Variants in EMC7 observed in about 807,000 individuals in gnomAD.
EMC7 encodes ER membrane protein complex subunit 7, also known as endoplasmic reticulum membrane protein complex subunit 7.
Under a neutral mutation model 24.4 loss-of-function variants are expected in EMC7, and 4 were observed. That is an observed-to-expected ratio of 0.16 (90% confidence interval 0.08 to 0.38). The LOEUF is 0.38. EMC7 is among the 10% of genes least tolerant of loss of function. EMC7 has a pLI of 1.00. For synonymous variants in EMC7, 106 were observed against 112.0 expected (o/e 0.95, Z 0.34); for missense variants, 221 against 300.6 (o/e 0.74, Z 1.96).
intron 2 of EMC7, among the ~76,000 whole-genome samples, chr15:34,092,861 C>T (rs1170859772): frequency 6.6e-6 from 1 of 151,902 alleles, no homozygotes; most frequent in Non-Finnish European, 1.5e-5. Flanking sequence ...TCCAATAAGC[C>T]CATTATAGAT....
At chr15:34,093,345 G>C (rs1901007756) in intron 2 of EMC7, among the ~76,000 whole-genome samples, 1 of 151,978 alleles carries the variant, frequency 6.6e-6, no homozygotes, top group South Asian at 2.1e-4. Flanking sequence ...GCTGAGGCAG[G>C]GGAATCGCTT....
chr15:34,097,647 T>G (rs928098887), intron 1 of EMC7, among the ~76,000 whole-genome samples: 1 of 152,140 alleles, frequency 6.6e-6, no homozygotes, highest in African/African-American at 2.4e-5. Context: ...TATCAGAGAA[T>G]TCCCGATATC....
At chr15:34,086,617 C>A (rs562261543) in intron 4 of EMC7, among the ~76,000 whole-genome samples, 1 of 151,886 alleles carries the variant, frequency 6.6e-6, no homozygotes, top group Non-Finnish European at 1.5e-5. Context: ...TTAGTAGAGA[C>A]GGGGTTTCAC....
chr15:34,097,039 C>CTTTTATTTTTT (rs1555523494), intron 1 of EMC7, among the ~76,000 whole-genome samples: 2 of 97,622 alleles, frequency 2.0e-5, no homozygotes, highest in Non-Finnish European at 3.8e-5. Context: ...TGTTCTTCTT[C>CTTTTATTTTTT]TTTTTTTTTT....
chr15:34,086,512 T>C (rs1342112139), intron 4 of EMC7, among the ~76,000 whole-genome samples: 2 of 152,146 alleles, frequency 1.3e-5, no homozygotes, highest in African/African-American at 4.8e-5. Context: ...CACTGCAACC[T>C]CTGCCTCCCA....
chr15:34,099,966 A>T (rs556965413), intron 1 of EMC7, among the ~76,000 whole-genome samples: 1 of 152,352 alleles, frequency 6.6e-6, no homozygotes, highest in Non-Finnish European at 1.5e-5. Flanking sequence ...CTGTTCAAAA[A>T]TATTAAGTGA....
intron 1 of EMC7, 33 bp from the exon 2 acceptor site, chr15:34,096,047 T>G: frequency 6.7e-7 from 1 of 1,490,574 alleles, no homozygotes; most frequent in Non-Finnish European, 9.1e-7. Flanking sequence ...TAGCTACTAC[T>G]GATCAACAGC....
At chr15:34,097,016 A>AT (rs1901081202) in intron 1 of EMC7, among the ~76,000 whole-genome samples, 1 of 139,320 alleles carries the variant, frequency 7.2e-6, no homozygotes, top group Admixed American at 7.3e-5. Context: ...TTAACTTGCA[A>AT]TTTTTGGTTT....
At chr15:34,090,501 AT>A in intron 2 of EMC7, 46 bp from the exon 3 acceptor site, 1 of 1,578,552 alleles carries the variant, frequency 6.3e-7, no homozygotes, top group Non-Finnish European at 8.6e-7. Context: ...CATTAAAAAC[AT>A]TACTGGTTAA....
chr15:34,101,799 A>T lies in EMC7; in HGVS notation c.41T>A (p.Leu14Gln). The change falls in exon 1 of 5, where the codon CTG becomes CAG. Residue 14 changes from leucine (L) to glutamine (Q), a missense_variant. Coordinates refer to ENST00000256545, the MANE Select transcript of EMC7 (RefSeq NM_020154.3). ...CTGGACATCCCCCGATAGCAGCAGC[A>T]GCAGCAGGACGGGAAAGAAGCCCCA... ...ALWGFFPVLL[L>Q]LLLSGDVQSS... The T allele has an allele frequency of 1.2e-6, 2 of 1,612,540 alleles. No individual in the cohort carries two copies. Among genetic ancestry groups the T allele is most frequent in the Non-Finnish European group, 1.7e-6 (2 of 1,179,932 alleles).
intron 1 of EMC7, among the ~76,000 whole-genome samples, chr15:34,098,599 A>G (rs964704432): frequency 2.7e-5 from 4 of 147,782 alleles, no homozygotes; most frequent in African/African-American, 1.0e-4. Context: ...GGGATTACAG[A>G]CTACCGCCAG....
At chr15:34,088,274 T>C (rs1900922707) in intron 3 of EMC7, 141 bp from the exon 4 acceptor site, 1 of 682,422 alleles carries the variant, frequency 1.5e-6, no homozygotes, top group Non-Finnish European at 2.5e-6. Context: ...ACCGCAATTC[T>C]ACTGAGCCAG....
chr15:34,093,573 T>G (rs1020557708), intron 2 of EMC7, among the ~76,000 whole-genome samples: 1 of 150,746 alleles, frequency 6.6e-6, no homozygotes, highest in African/African-American at 2.5e-5. Flanking sequence ...AAAATACAAG[T>G]ATTCCCTTTT....
chr15:34,090,530 T>C (rs7165231), intron 2 of EMC7, 75 bp from the exon 3 acceptor site: 234 of 1,479,804 alleles, frequency 1.6e-4, no homozygotes, highest in African/African-American at 1.5e-3. Flanking sequence ...GCTTATATTA[T>C]ATTAGCAATG....
intron 2 of EMC7, among the ~76,000 whole-genome samples, chr15:34,093,631 A>C (rs570950781): frequency 1.3e-5 from 2 of 150,746 alleles, no homozygotes; most frequent in East Asian, 3.9e-4. Context: ...AATATAAAAA[A>C]AATGTTTAAA....
At chr15:34,093,687 C>T (rs1901013991) in intron 2 of EMC7, among the ~76,000 whole-genome samples, 1 of 148,652 alleles carries the variant, frequency 6.7e-6, no homozygotes, top group African/African-American at 2.5e-5. Context: ...CCTCCATTTC[C>T]AAGCTTACAA....
chr15:34,096,895 G>A (rs1425242471), intron 1 of EMC7, among the ~76,000 whole-genome samples: 1 of 151,512 alleles, frequency 6.6e-6, no homozygotes, highest in African/African-American at 2.4e-5. Context: ...ACTGAGATAG[G>A]AGAATTGCTT....
At chr15:34,098,165 T>G (rs1322411605) in intron 1 of EMC7, among the ~76,000 whole-genome samples, 1 of 152,152 alleles carries the variant, frequency 6.6e-6, no homozygotes, top group Middle Eastern at 3.2e-3. Flanking sequence ...CCCAGACCTC[T>G]CACTGACAGG....
chr15:34,094,693 C>T (rs1355249986), intron 2 of EMC7, among the ~76,000 whole-genome samples: 4 of 146,880 alleles, frequency 2.7e-5, no homozygotes, highest in Non-Finnish European at 6.0e-5. Flanking sequence ...CAGAGCAAGA[C>T]TTTGTCTCAA....
Sources: allele counts gnomAD v4.1 joint callset (sites outside exome capture counted in the v4.1 genomes callset), GRCh38; gene constraint gnomAD v4.1.1; transcripts MANE v1.5; gene names NCBI Gene and HGNC (gene_info 2026-07-23, HGNC 2026-07-21).